Variants in AGPAT4 observed in about 807,000 individuals in gnomAD.
The protein encoded by AGPAT4 is 1-acyl-sn-glycerol-3-phosphate acyltransferase delta.
Under a neutral mutation model 48.0 loss-of-function variants are expected in AGPAT4, and 15 were observed. The observed-to-expected ratio is 0.31, with a 90% CI of 0.21 to 0.48. The LOEUF (loss-of-function observed/expected upper bound fraction) is 0.48, where lower values mean the gene tolerates loss of function less well. Ranked by LOEUF, AGPAT4 falls within the 20% of genes least tolerant of loss-of-function variation. AGPAT4 has a pLI of 0.99. For missense variants in AGPAT4, 314 were observed against 482.5 expected (o/e 0.65, Z 3.27); for synonymous variants, 178 against 198.7 (o/e 0.90, Z 0.88).
Position 161,246,489 on chromosome 6 carries a change from A to G in AGPAT4, c.-89-14187T>C, listed in dbSNP as rs1466717896. Among the ~76,000 whole-genome samples, 4 of 151,470 alleles carry G rather than the reference A, an allele frequency of 2.6e-5. No homozygotes were observed. Among genetic ancestry groups the G allele is most frequent in the African/African-American group, 9.7e-5 (4 of 41,134 alleles). On this transcript the variant is annotated intron_variant, in intron 1 of 8. Transcript: ENST00000320285. The surrounding 1 kb of genome is among the most constrained non-coding windows in gnomAD (Gnocchi z 5.5). ...CAATGGAGTGATCTCAGCTCACTGC[A>G]ACCTCCGCCTCTCAAGTTCAAGCGA...
Position 161,175,010 on chromosome 6 carries a change from G to A in AGPAT4, c.179-8593C>T, listed in dbSNP as rs908183877. ...CCAGGGATGAAGCCAACTTGATCGTGGTGGATAAGCTTTTTGATGTGCTGC... is the reference window on the plus strand; with the variant it reads ...CCAGGGATGAAGCCAACTTGATCGTAGTGGATAAGCTTTTTGATGTGCTGC... On this transcript the variant is annotated intron_variant, in intron 2 of 8. Coordinates refer to ENST00000320285, the MANE Select transcript of AGPAT4 (RefSeq NM_020133.3). Among the ~76,000 whole-genome samples, 19 of 152,272 alleles carry A rather than the reference G, an allele frequency of 1.2e-4. No individual in the cohort carries two copies. The South Asian group carries it at 2.9e-3, about 23-fold the overall frequency.
chr6:161,170,866 C>T (rs1246115179), intron 2 of AGPAT4, among the ~76,000 whole-genome samples: 1 of 152,222 alleles, frequency 6.6e-6, no homozygotes, highest in Non-Finnish European at 1.5e-5. Flanking sequence ...CAAGTACGTT[C>T]AGCCTGTCCT....
rs1781969278 is a variant in AGPAT4, at chr6:161,225,975, C to T, written c.178+6061G>A. On this transcript the variant is annotated intron_variant, in intron 2 of 8. Coordinates refer to ENST00000320285, the MANE Select transcript of AGPAT4 (RefSeq NM_020133.3). The surrounding 1 kb of genome is among the most constrained non-coding windows in gnomAD (Gnocchi z 5.0). The stretch of plus-strand genomic sequence containing the variant: ...TTGACTCGCCAAAGCCACTGTTGTT[C>T]AGCTACTCTGAAGGGAGAGATGATC... Among the ~76,000 whole-genome samples, 1 of 152,142 alleles carries T rather than the reference C, an allele frequency of 6.6e-6. No homozygotes were observed. The highest frequency in any genetic ancestry group is 1.5e-5 in the Non-Finnish European group (1 of 68,028).
chr6:161,262,750 G>A lies in AGPAT4; in HGVS notation c.-90+11188C>T, dbSNP rs1783138573. Among the ~76,000 whole-genome samples the A allele has an allele frequency of 6.6e-6, 1 of 152,134 alleles. No homozygotes were observed. ...GGGGCACCCTTTGGGTAGCTTCTTG[G>A]GACTTGAACTGGTACATTTCACACG... On this transcript the variant is annotated intron_variant, in intron 1 of 8. Transcript: ENST00000320285. The surrounding 1 kb of genome is among the most constrained non-coding windows in gnomAD (Gnocchi z 4.9).
rs937669214 is a variant in AGPAT4 at position 161,164,998 on chromosome 6, G to T, written c.348+1250C>A. ...GGTGACCTGACAGTCAAGATGCACC[G>T]GCTCCCCATACCCTTCCTCCTGGGC... On this transcript the variant is annotated intron_variant, in intron 3 of 8. Coordinates refer to ENST00000320285, the MANE Select transcript of AGPAT4 (RefSeq NM_020133.3). This position sits in a 1 kb window ranked among gnomAD's most constrained non-coding sequence, Gnocchi z 7.4. Among the ~76,000 whole-genome samples the T allele has an allele frequency of 2.0e-5, 3 of 152,138 alleles. No homozygotes were observed. Among genetic ancestry groups the T allele is most frequent in the Non-Finnish European group, 4.4e-5 (3 of 68,022 alleles).
chr6:161,134,507 T>G lies in AGPAT4; in HGVS notation c.*2033A>C, dbSNP rs1326875944. ...TCATCCTTGGCTTAGTGCTTTAGGA[T>G]TCTTAAAGTGTGCTCTTTTACCCTT... On this transcript the variant is annotated 3_prime_UTR_variant, in exon 9 of 9. Transcript: ENST00000320285. The G allele has an allele frequency of 1.3e-5, 2 of 152,162 alleles. No homozygotes were observed. Among genetic ancestry groups the G allele is most frequent in the East Asian group, 1.9e-4 (1 of 5,192 alleles). 9.4% of individuals were successfully genotyped at this position (152,162 alleles called of 1,614,324 possible). A position where few individuals can be genotyped will look rare whatever the true frequency, so the allele number is the denominator to read the frequency against.
chr6:161,263,859 C>T (rs1783173159), intron 1 of AGPAT4, among the ~76,000 whole-genome samples: 1 of 152,174 alleles, frequency 6.6e-6, no homozygotes, highest in African/African-American at 2.4e-5. Flanking sequence ...AGGAAAATTT[C>T]AGGAAAGGCA....
Position 161,184,422 on chromosome 6 carries a change from G to C in AGPAT4, c.179-18005C>G, listed in dbSNP as rs762536766. On this transcript the variant is annotated intron_variant, in intron 2 of 8. Transcript: ENST00000320285. The surrounding 1 kb of genome is among the most constrained non-coding windows in gnomAD (Gnocchi z 4.8). ...CTGTTAACTGGGTTGGGGAGCATGG[G>C]GGAGAGGAAGGTGTGTGGAGGGAGA... Among the ~76,000 whole-genome samples the C allele has an allele frequency of 3.3e-5, 5 of 152,078 alleles. No individual in the cohort carries two copies. The highest frequency in any genetic ancestry group is 5.9e-5 in the Non-Finnish European group (4 of 68,008).
In AGPAT4 at chr6:161,233,759, T is replaced by C. The variant is rs1157241301; in HGVS notation, c.-89-1457A>G. 6.6e-6 allele frequency among the ~76,000 whole-genome samples: 1 copy of C among 152,216 alleles called. No individual in the cohort carries two copies. Among genetic ancestry groups the C allele is most frequent in the Non-Finnish European group, 1.5e-5 (1 of 68,038 alleles). On this transcript the variant is annotated intron_variant, in intron 1 of 8. Transcript: ENST00000320285. This position sits in a 1 kb window ranked among gnomAD's most constrained non-coding sequence, Gnocchi z 5.4. ...GATGATGTTTGGTAGGTGAGGTGCA[T>C]GCAATGCCTTTTTGACCTACAGTAT...
rs1781601319 is a variant in AGPAT4, at chr6:161,214,836, T to C, written c.178+17200A>G. ...GCACAGCAAAAATACTGTATTACAATCTTAGCAGACACCGTTGTAAATGTG... is the reference window on the plus strand; with the variant it reads ...GCACAGCAAAAATACTGTATTACAACCTTAGCAGACACCGTTGTAAATGTG... On this transcript the variant is annotated intron_variant, in intron 2 of 8. Transcript: ENST00000320285. The surrounding 1 kb of genome is among the most constrained non-coding windows in gnomAD (Gnocchi z 5.4). 6.6e-6 allele frequency among the ~76,000 whole-genome samples: 1 copy of C among 152,096 alleles called. No individual in the cohort carries two copies. The highest frequency in any genetic ancestry group is 1.5e-5 in the Non-Finnish European group (1 of 68,008).
rs1480578184 is a variant in AGPAT4, at chr6:161,225,860, C to A, written c.178+6176G>T. 6.6e-6 allele frequency among the ~76,000 whole-genome samples: 1 copy of A among 152,234 alleles called. No homozygotes were observed. Among genetic ancestry groups the A allele is most frequent in the East Asian group, 1.9e-4 (1 of 5,198 alleles). On this transcript the variant is annotated intron_variant, in intron 2 of 8. Coordinates refer to ENST00000320285, the MANE Select transcript of AGPAT4 (RefSeq NM_020133.3). The surrounding 1 kb of genome is among the most constrained non-coding windows in gnomAD (Gnocchi z 5.0). ...TGCCTTTGGGTTAGAATCTTAGAGCCACAGGCAGAAGGAGGCCTAGGCGGG... is the reference window on the plus strand; with the variant it reads ...TGCCTTTGGGTTAGAATCTTAGAGCAACAGGCAGAAGGAGGCCTAGGCGGG...
chr6:161,136,265 C>A lies in AGPAT4; in HGVS notation c.*275G>T. Reference sequence around the variant, plus strand: ...CAGCCTAAAATACCCTTTCTATGATCACAGAACAAAGTTCACACTCACCAC... The same window carrying A: ...CAGCCTAAAATACCCTTTCTATGATAACAGAACAAAGTTCACACTCACCAC... On this transcript the variant is annotated 3_prime_UTR_variant, in exon 9 of 9. Transcript: ENST00000320285. 4 of 417,786 alleles carry A rather than the reference C, an allele frequency of 9.6e-6. No individual in the cohort carries two copies. The highest frequency in any genetic ancestry group is 3.9e-5 in the Admixed American group (1 of 25,944). 25.9% of individuals were successfully genotyped at this position (417,786 alleles called of 1,614,324 possible).
rs1466456911 is a variant in AGPAT4 at position 161,220,232 on chromosome 6, C to T, written c.178+11804G>A. 6.6e-6 allele frequency among the ~76,000 whole-genome samples: 1 copy of T among 152,144 alleles called. No individual in the cohort carries two copies. Among genetic ancestry groups the T allele is most frequent in the East Asian group, 1.9e-4 (1 of 5,188 alleles). On this transcript the variant is annotated intron_variant, in intron 2 of 8. Transcript: ENST00000320285. This position sits in a 1 kb window ranked among gnomAD's most constrained non-coding sequence, Gnocchi z 6.0. Reference sequence around the variant, plus strand: ...ACTAATGTCATCATCAGACCTCATTCCTAATACCTCCTTCTTTCTCCTAAA... The same window carrying T: ...ACTAATGTCATCATCAGACCTCATTTCTAATACCTCCTTCTTTCTCCTAAA...
chr6:161,238,112 A>T lies in AGPAT4; in HGVS notation c.-89-5810T>A, dbSNP rs1400624348. 6.6e-6 allele frequency among the ~76,000 whole-genome samples: 1 copy of T among 151,930 alleles called. No individual in the cohort carries two copies. Among genetic ancestry groups the T allele is most frequent in the Admixed American group, 6.6e-5 (1 of 15,262 alleles). On this transcript the variant is annotated intron_variant, in intron 1 of 8. Transcript: ENST00000320285. This position sits in a 1 kb window ranked among gnomAD's most constrained non-coding sequence, Gnocchi z 5.2. ...TGGGGGGCGGGAGGCAGAATGCAGC[A>T]TAGTTGTTGGAGCTTCCGCTGTGGA...
rs557304553 is a variant in AGPAT4, at chr6:161,201,272, C to G, written c.178+30764G>C. 6.6e-6 allele frequency among the ~76,000 whole-genome samples: 1 copy of G among 152,178 alleles called. No individual in the cohort carries two copies. Among genetic ancestry groups the G allele is most frequent in the South Asian group, 2.1e-4 (1 of 4,812 alleles). ...TTAAGAAGCCATTAATGAAAAATGA[C>G]AATTTTCTCTGGGACTGGATTAATG... On this transcript the variant is annotated intron_variant, in intron 2 of 8. Transcript: ENST00000320285. This position sits in a 1 kb window ranked among gnomAD's most constrained non-coding sequence, Gnocchi z 6.0.
Position 161,149,321 on chromosome 6 carries a change from T to C in AGPAT4, c.665-32A>G, listed in dbSNP as rs376393857. On this transcript the variant is annotated intron_variant, in intron 5 of 8. Coordinates refer to ENST00000320285, the MANE Select transcript of AGPAT4 (RefSeq NM_020133.3). The surrounding 1 kb of genome is among the most constrained non-coding windows in gnomAD (Gnocchi z 6.5). ...AAAATAAAACAAATACAAAGCAGTA[T>C]ATAGCGTGTGAACCCAATTTTGTTC... The C allele has an allele frequency of 1.6e-5, 25 of 1,577,462 alleles. No individual in the cohort carries two copies. The highest frequency in any genetic ancestry group is 1.8e-5 in the Non-Finnish European group (21 of 1,167,126).
intron 1 of AGPAT4, among the ~76,000 whole-genome samples, chr6:161,258,923 A>G (rs1394339038): frequency 1.3e-5 from 2 of 151,922 alleles, no homozygotes; most frequent in Non-Finnish European, 2.9e-5. Flanking sequence ...CAGCCTCCCA[A>G]GTAGCTGGGA....
In AGPAT4 at chr6:161,141,044, A is replaced by C. The variant is rs1779232324; in HGVS notation, c.844-1424T>G. The stretch of plus-strand genomic sequence containing the variant: ...TTAACAACTTGAGATAGAAAAGTCT[A>C]AAGTATCTCATACTTTTCTTCTTTT... On this transcript the variant is annotated intron_variant, in intron 7 of 8. Coordinates refer to ENST00000320285, the MANE Select transcript of AGPAT4 (RefSeq NM_020133.3). The surrounding 1 kb of genome is among the most constrained non-coding windows in gnomAD (Gnocchi z 6.7). 6.6e-6 allele frequency among the ~76,000 whole-genome samples: 1 copy of C among 152,192 alleles called. No homozygotes were observed. Among genetic ancestry groups the C allele is most frequent in the Non-Finnish European group, 1.5e-5 (1 of 68,038 alleles).
chr6:161,142,891 G>A lies in AGPAT4; in HGVS notation c.844-3271C>T, dbSNP rs183402352. Among the ~76,000 whole-genome samples the A allele has an allele frequency of 6.6e-6, 1 of 152,290 alleles. No homozygotes were observed. On this transcript the variant is annotated intron_variant, in intron 7 of 8. Coordinates refer to ENST00000320285, the MANE Select transcript of AGPAT4 (RefSeq NM_020133.3). This position sits in a 1 kb window ranked among gnomAD's most constrained non-coding sequence, Gnocchi z 6.4. ...CCCTGCTGCCCTTCTAAGGAGCAAT[G>A]CCCTTATGGTTTAAGTGAAAAAACA...
Sources: gnomAD v4.1 joint callset for allele counts (sites outside exome capture counted in the v4.1 genomes callset) on GRCh38, gnomAD v4.1.1 for gene constraint, Gnocchi (gnomAD v3.1) non-coding constraint, MANE v1.5 for transcripts, NCBI Gene and HGNC (gene_info 2026-07-23, HGNC 2026-07-21) for gene names.